Variants in CCDC60 observed in about 807,000 individuals in gnomAD.
CCDC60 encodes the protein coiled-coil domain containing 60.
A neutral mutation model predicts 63.5 loss-of-function variants in CCDC60; 54 were observed. That is an observed-to-expected ratio of 0.85 (90% CI 0.68 to 1.07). CCDC60 has a LOEUF of 1.07. Ranked by LOEUF, CCDC60 falls within the 50% of genes least tolerant of loss-of-function variation. CCDC60 has a pLI of 0.00. For synonymous variants in CCDC60, 206 were observed against 238.8 expected (o/e 0.86, Z 1.27); for missense variants, 651 against 684.3 (o/e 0.95, Z 0.54).
At chr12:119,520,305 A>AGTTCC in intron 9 of CCDC60, 113 bp downstream of exon 9, 3 of 868,494 alleles carry the variant, frequency 3.5e-6, no homozygotes, top group Non-Finnish European at 5.4e-6. Flanking sequence ...GAAAGAGGGA[A>AGTTCC]CTTTTTCCTT....
intron 2 of CCDC60, among the ~76,000 whole-genome samples, chr12:119,454,033 T>A (rs1401327481): frequency 6.6e-6 from 1 of 152,216 alleles, no homozygotes; most frequent in Non-Finnish European, 1.5e-5. Context: ...TGTCCCAGGA[T>A]GGCTATTAAT....
At chr12:119,350,509 A>G (rs1203388377) in intron 1 of CCDC60, among the ~76,000 whole-genome samples, 1 of 152,150 alleles carries the variant, frequency 6.6e-6, no homozygotes, top group Non-Finnish European at 1.5e-5. Flanking sequence ...CTGGGATTAC[A>G]GATGTGAGCC....
chr12:119,424,651 A>G (rs979260455), intron 1 of CCDC60, among the ~76,000 whole-genome samples: 2 of 152,142 alleles, frequency 1.3e-5, no homozygotes, highest in African/African-American at 4.8e-5. Flanking sequence ...AACTTATTTA[A>G]CTTATTAACT....
intron 2 of CCDC60, among the ~76,000 whole-genome samples, chr12:119,470,649 C>A: frequency 6.6e-6 from 1 of 152,126 alleles, no homozygotes; most frequent in East Asian, 1.9e-4. Flanking sequence ...TATTCCCATG[C>A]AAAACCGAGC....
In CCDC60 at chr12:119,520,127, G is replaced by C; in HGVS notation, c.975G>C (p.Leu325Phe). 6.2e-7 allele frequency: 1 copy of C among 1,613,780 alleles called. No individual in the cohort carries two copies. The highest frequency in any genetic ancestry group is 8.5e-7 in the Non-Finnish European group (1 of 1,179,832). Residue 325 changes from leucine (L) to phenylalanine (F), a missense_variant, in exon 9 of 14, where the codon TTG becomes TTC. Transcript: ENST00000327554. ...GACTCATTTTGCCTTGCAGCATCTT[G>C]TCAGTGCTGAAACAAAACAAGAGTA... is the stretch of plus-strand genomic sequence containing the variant. ...NGMQRKAPSI[L>F]SVLKQNKSNS... is the part of the protein sequence containing the mutation.
intron 2 of CCDC60, among the ~76,000 whole-genome samples, chr12:119,431,125 C>T (rs1304154032): frequency 6.6e-6 from 1 of 152,230 alleles, no homozygotes; most frequent in African/African-American, 2.4e-5. Context: ...AGTGGGTTCA[C>T]CTTGCCTGCT....
chr12:119,386,480 A>G lies in CCDC60; in HGVS notation c.91-42203A>G, dbSNP rs1329875553. ...AATTAGTGCTAGAGGGTGCTTGCTG[A>G]CCAGGGTAATTCCACTCTAAGAAAA... On this transcript the variant is annotated intron_variant, in intron 1 of 13. Transcript: ENST00000327554. Among the ~76,000 whole-genome samples the G allele has an allele frequency of 3.4e-5, 5 of 146,642 alleles. No homozygotes were observed. In the South Asian group the frequency reaches 1.1e-3, roughly 33 times the overall value.
chr12:119,417,083 G>A (rs1407848370), intron 1 of CCDC60, among the ~76,000 whole-genome samples: 1 of 152,120 alleles, frequency 6.6e-6, no homozygotes, highest in African/African-American at 2.4e-5. Flanking sequence ...TCGCGCCATT[G>A]CACTCCAGCC....
At chr12:119,346,716 C>T (rs1210059269) in intron 1 of CCDC60, among the ~76,000 whole-genome samples, 5 of 150,374 alleles carry the variant, frequency 3.3e-5, no homozygotes, top group Non-Finnish European at 7.5e-5. Flanking sequence ...GAAAAAAACA[C>T]AGCTAAGGAT....
chr12:119,454,116 G>A (rs1950683546), intron 2 of CCDC60, among the ~76,000 whole-genome samples: 2 of 152,086 alleles, frequency 1.3e-5, no homozygotes, highest in African/African-American at 2.4e-5. Flanking sequence ...GAGTGATAAG[G>A]AAATCATGGC....
chr12:119,350,190 T>C (rs539147441), intron 1 of CCDC60, among the ~76,000 whole-genome samples: 8 of 150,916 alleles, frequency 5.3e-5, no homozygotes, highest in Non-Finnish European at 3.0e-5. Context: ...TATTTATTTA[T>C]TTATTTATTT....
intron 2 of CCDC60, among the ~76,000 whole-genome samples, chr12:119,459,781 G>T (rs948514291): frequency 2.0e-5 from 3 of 152,122 alleles, no homozygotes; most frequent in Non-Finnish European, 4.4e-5. Flanking sequence ...GTTTCATCTT[G>T]GACCCAACCA....
At chr12:119,345,237 C>T (rs930640997) in intron 1 of CCDC60, among the ~76,000 whole-genome samples, 1 of 152,228 alleles carries the variant, frequency 6.6e-6, no homozygotes, top group African/African-American at 2.4e-5. Flanking sequence ...GGCACGGTGG[C>T]TCATGCCCGT....
intron 1 of CCDC60, among the ~76,000 whole-genome samples, chr12:119,404,867 C>A (rs1956457818): frequency 6.6e-6 from 1 of 152,174 alleles, no homozygotes; most frequent in African/African-American, 2.4e-5. Flanking sequence ...GAAATCTTTG[C>A]AGTTCCCACA....
rs150392205 is a variant in CCDC60 at position 119,501,580 on chromosome 12, A to G, written c.648+1412A>G. On this transcript the variant is annotated intron_variant, in intron 6 of 13. Coordinates refer to ENST00000327554, the MANE Select transcript of CCDC60 (RefSeq NM_178499.5). ...GTTGCCCCTCATGAAGAATTTCACC[A>G]TTTTCTTACTCTTTCATCAGGGTGC... Among the ~76,000 whole-genome samples, 38 of 152,046 alleles carry G rather than the reference A, an allele frequency of 2.5e-4. No homozygotes were observed. In the East Asian group the frequency reaches 7.2e-3, roughly 29 times the overall value.
chr12:119,344,172 C>T (rs1364417533), intron 1 of CCDC60, among the ~76,000 whole-genome samples: 1 of 152,086 alleles, frequency 6.6e-6, no homozygotes, highest in Non-Finnish European at 1.5e-5. Flanking sequence ...AAGCAGCATT[C>T]CTGACCTCTC....
At chr12:119,506,866 A>G (rs1446026676) in intron 7 of CCDC60, among the ~76,000 whole-genome samples, 2 of 152,160 alleles carry the variant, frequency 1.3e-5, no homozygotes, top group Non-Finnish European at 2.9e-5. Context: ...GAGATAGGAA[A>G]AGCAAGAGAA....
At chr12:119,358,897 A>G (rs1955744082) in intron 1 of CCDC60, among the ~76,000 whole-genome samples, 1 of 152,244 alleles carries the variant, frequency 6.6e-6, no homozygotes, top group African/African-American at 2.4e-5. Flanking sequence ...GAGCTATTAC[A>G]AAATGCTATG....
intron 1 of CCDC60, among the ~76,000 whole-genome samples, chr12:119,364,866 GA>G (rs1203514048): frequency 6.6e-6 from 1 of 152,166 alleles, no homozygotes; most frequent in Admixed American, 6.5e-5. Context: ...AGGGATTCAG[GA>G]AAAGCTCCCT....
Sources: allele counts gnomAD v4.1 joint callset (sites outside exome capture counted in the v4.1 genomes callset), GRCh38; gene constraint gnomAD v4.1.1; transcripts MANE v1.5; gene names NCBI Gene and HGNC (gene_info 2026-07-23, HGNC 2026-07-21).